The following SIPA1L1 variants were observed in gnomAD, a reference collection of about 807,000 sequenced individuals.
The protein encoded by SIPA1L1 is signal induced proliferation associated 1 like 1, also known as signal-induced proliferation-associated 1-like protein 1.
In SIPA1L1, 26 loss-of-function variants were observed where a neutral mutation model predicts 162.7. That is an observed-to-expected ratio of 0.16 (90% confidence interval 0.12 to 0.22). The LOEUF is 0.22. Among genes scored for constraint, SIPA1L1 ranks in the 10% least tolerant of loss-of-function variants. The pLI is 1.00. For synonymous variants in SIPA1L1, 829 were observed against 837.4 expected (o/e 0.99, Z 0.17); for missense variants, 1,874 against 2,241.0 (o/e 0.84, Z 3.31).
intron 5 of SIPA1L1, among the ~76,000 whole-genome samples, chr14:71,609,354 G>A (rs927276004): frequency 3.3e-5 from 5 of 151,828 alleles, no homozygotes; most frequent in Non-Finnish European, 7.4e-5. Context: ...CTGCCACCTT[G>A]ATCTCCTGGG....
chr14:71,722,083 C>G (rs181175985), intron 17 of SIPA1L1, among the ~76,000 whole-genome samples: 1 of 152,368 alleles, frequency 6.6e-6, no homozygotes, highest in East Asian at 1.9e-4. Flanking sequence ...CCCTCTCCCT[C>G]TCTGACGTGC....
intron 2 of SIPA1L1, among the ~76,000 whole-genome samples, chr14:71,431,546 T>G (rs1269489108): frequency 6.6e-6 from 1 of 150,988 alleles, no homozygotes. Flanking sequence ...ATACAAAAAT[T>G]AGCTAGGTAT....
At chr14:71,445,591 G>A (rs2141338627) in intron 2 of SIPA1L1, among the ~76,000 whole-genome samples, 1 of 152,230 alleles carries the variant, frequency 6.6e-6, no homozygotes, top group Admixed American at 6.5e-5. Flanking sequence ...AAGTGCATAT[G>A]TACTATATGG....
intron 5 of SIPA1L1, among the ~76,000 whole-genome samples, chr14:71,615,626 G>C (rs1055398456): frequency 6.6e-6 from 1 of 152,162 alleles, no homozygotes; most frequent in African/African-American, 2.4e-5. Flanking sequence ...GACTGGACGG[G>C]GAGCTATATA....
At chr14:71,679,954 A>G (rs1247408338) in intron 12 of SIPA1L1, among the ~76,000 whole-genome samples, 1 of 152,206 alleles carries the variant, frequency 6.6e-6, no homozygotes, top group Non-Finnish European at 1.5e-5. Context: ...AGACCTACAA[A>G]GAGACTTAGA....
intron 17 of SIPA1L1, among the ~76,000 whole-genome samples, chr14:71,723,087 G>A (rs900325944): frequency 2.0e-5 from 3 of 152,340 alleles, no homozygotes; most frequent in East Asian, 1.9e-4. Context: ...ATCTTTAACC[G>A]ATGTTTGAAA....
In SIPA1L1 at chr14:71,739,464, CTG is replaced by C. The variant is rs2152887858; in HGVS notation, c.*304_*305del. On this transcript the variant is annotated 3_prime_UTR_variant, in exon 24 of 24. Coordinates refer to ENST00000381232, the MANE Select transcript of SIPA1L1 (RefSeq NM_001386936.1). ...TATCTGTTATGTATTTAAGAAGAAA[CTG>C]GGCCTTGGACCAGGGCGCCCCCTGG... is the stretch of plus-strand genomic sequence containing the variant. 5.7e-6 allele frequency: 1 copy of C among 175,570 alleles called. No individual in the cohort carries two copies. The highest frequency in any genetic ancestry group is 2.4e-5 in the African/African-American group (1 of 42,546). 10.9% of individuals were successfully genotyped at this position (175,570 alleles called of 1,614,324 possible).
intron 4 of SIPA1L1, among the ~76,000 whole-genome samples, chr14:71,554,090 C>G (rs2056126927): frequency 1.3e-5 from 2 of 152,146 alleles, no homozygotes; most frequent in African/African-American, 4.8e-5. Flanking sequence ...GTAGCATCTT[C>G]TGTTAGTTTG....
intron 2 of SIPA1L1, among the ~76,000 whole-genome samples, chr14:71,357,334 TA>T (rs1825446181): frequency 6.6e-6 from 1 of 152,222 alleles, no homozygotes. Context: ...CCCTGATTTT[TA>T]TAGTTGAGGA....
At chr14:71,324,166 A>C (rs956335380) in intron 2 of SIPA1L1, among the ~76,000 whole-genome samples, 1 of 152,238 alleles carries the variant, frequency 6.6e-6, no homozygotes, top group Middle Eastern at 3.2e-3. Flanking sequence ...TTTGTAAACT[A>C]TAAAGTCTTA....
At chr14:71,386,532 A>G (rs1218520365) in intron 2 of SIPA1L1, among the ~76,000 whole-genome samples, 2 of 152,220 alleles carry the variant, frequency 1.3e-5, no homozygotes, top group Admixed American at 1.3e-4. Flanking sequence ...AATATTAACC[A>G]TCACAGCGAC....
At chr14:71,371,401 T>A (rs2038878361) in intron 2 of SIPA1L1, among the ~76,000 whole-genome samples, 1 of 152,182 alleles carries the variant, frequency 6.6e-6, no homozygotes, top group South Asian at 2.1e-4. Context: ...ATTTTTATTT[T>A]TTTAGAGACA....
At chr14:71,475,501 C>G (rs1231661146) in intron 2 of SIPA1L1, among the ~76,000 whole-genome samples, 2 of 151,892 alleles carry the variant, frequency 1.3e-5, no homozygotes, top group Non-Finnish European at 2.9e-5. Context: ...ATTTGAAAAC[C>G]AATACAAGTC....
At chr14:71,372,443 AG>A (rs2038980439) in intron 2 of SIPA1L1, among the ~76,000 whole-genome samples, 1 of 152,124 alleles carries the variant, frequency 6.6e-6, no homozygotes, top group South Asian at 2.1e-4. Flanking sequence ...TTCCTCTTAG[AG>A]GAATTTACTT....
intron 2 of SIPA1L1, among the ~76,000 whole-genome samples, chr14:71,474,951 A>G (rs902005973): frequency 6.6e-6 from 1 of 152,164 alleles, no homozygotes; most frequent in African/African-American, 2.4e-5. Context: ...CATGTGTGAA[A>G]TTCTGACTGT....
At chr14:71,390,452 T>C (rs1033690695) in intron 2 of SIPA1L1, among the ~76,000 whole-genome samples, 20 of 152,124 alleles carry the variant, frequency 1.3e-4, no homozygotes, top group African/African-American at 4.6e-4. Context: ...AAAAACATGG[T>C]TTTTATTGGT....
chr14:71,634,294 C>T (rs1369739903), intron 7 of SIPA1L1, among the ~76,000 whole-genome samples: 22 of 150,312 alleles, frequency 1.5e-4, no homozygotes, highest in Admixed American at 2.0e-4. Flanking sequence ...CCCAGCTACT[C>T]GGGAGGCTGA....
chr14:71,529,507 C>T (rs1004794012), intron 4 of SIPA1L1, 137 bp downstream of exon 4: 11 of 511,552 alleles, frequency 2.2e-5, no homozygotes, highest in African/African-American at 3.8e-5. Flanking sequence ...GAGATGAAGT[C>T]GTTTGTCATC....
intron 13 of SIPA1L1, among the ~76,000 whole-genome samples, chr14:71,688,680 C>T (rs141072507): frequency 3.7e-4 from 57 of 152,284 alleles, no homozygotes; most frequent in African/African-American, 1.3e-3. Context: ...TGCATACCAG[C>T]GCCGTCCTGA....
Sources: allele counts gnomAD v4.1 joint callset (sites outside exome capture counted in the v4.1 genomes callset), GRCh38; gene constraint gnomAD v4.1.1; transcripts MANE v1.5; gene names NCBI Gene and HGNC (gene_info 2026-07-23, HGNC 2026-07-21).